SLCO1A2: variants seen among roughly 807,000 people sequenced by gnomAD.
The protein encoded by SLCO1A2 is OATP-1.
A neutral mutation model predicts 69.0 loss-of-function variants in SLCO1A2; 67 were observed. That is an observed-to-expected ratio of 0.97 (90% CI 0.80 to 1.19). The LOEUF is 1.19. SLCO1A2 is among the 50% of genes most tolerant of loss of function. The pLI, the probability that SLCO1A2 is intolerant of heterozygous loss-of-function variation, is 0.00. For synonymous variants in SLCO1A2, 260 were observed against 265.9 expected (o/e 0.98, Z 0.22); for missense variants, 787 against 793.7 (o/e 0.99, Z 0.10).
upstream of SLCO1A2, among the ~76,000 whole-genome samples, chr12:21,338,711 G>A (rs150054832): frequency 2.7e-4 from 41 of 151,666 alleles, no homozygotes; most frequent in Admixed American, 2.1e-3. Flanking sequence ...TTTTATCTGC[G>A]TAGACTAGGT....
chr12:21,305,872 G>T (rs369324599), intron 5 of SLCO1A2, among the ~76,000 whole-genome samples: 1 of 152,176 alleles, frequency 6.6e-6, no homozygotes, highest in African/African-American at 2.4e-5. Context: ...CCACAAACAT[G>T]AATCCAGAAT....
At chr12:21,409,819 T>TA (rs1941879147) in intron 1 of SLCO1A2, among the ~76,000 whole-genome samples, 1 of 152,206 alleles carries the variant, frequency 6.6e-6, no homozygotes, top group Non-Finnish European at 1.5e-5. Flanking sequence ...TATATCACTC[T>TA]AAACATCAAA....
chr12:21,371,493 C>T (rs1939785656), intron 2 of SLCO1A2, among the ~76,000 whole-genome samples: 1 of 152,080 alleles, frequency 6.6e-6, no homozygotes, highest in South Asian at 2.1e-4. Flanking sequence ...AAACAAGTTT[C>T]TTTCCTCCTG....
intron 2 of SLCO1A2, among the ~76,000 whole-genome samples, chr12:21,363,611 G>C (rs910318051): frequency 3.9e-5 from 6 of 152,262 alleles, no homozygotes; most frequent in Admixed American, 2.6e-4. Context: ...GCCAGGAGCT[G>C]GTTTTTGGAA....
chr12:21,283,274 T>C (rs1420807777), intron 12 of SLCO1A2, among the ~76,000 whole-genome samples: 1 of 152,116 alleles, frequency 6.6e-6, no homozygotes, highest in African/African-American at 2.4e-5. Context: ...CATTCATCTA[T>C]GGTGAACTCA....
chr12:21,363,040 C>G (rs550233362), intron 2 of SLCO1A2, among the ~76,000 whole-genome samples: 1 of 152,128 alleles, frequency 6.6e-6, no homozygotes, highest in African/African-American at 2.4e-5. Flanking sequence ...CTGCACCAAG[C>G]GGACCTAATA....
At chr12:21,350,823 A>C (rs1937882567) in intron 2 of SLCO1A2, among the ~76,000 whole-genome samples, 1 of 129,154 alleles carries the variant, frequency 7.7e-6, no homozygotes. Context: ...GTGACAGAGC[A>C]AGACTCTGTC....
chr12:21,309,249 G>A (rs527749415), intron 4 of SLCO1A2, among the ~76,000 whole-genome samples: 1 of 152,252 alleles, frequency 6.6e-6, no homozygotes, highest in East Asian at 1.9e-4. Flanking sequence ...TAGAGATCTA[G>A]AAAGAGAAAA....
At chr12:21,361,667 T>G (rs1297727890) in intron 2 of SLCO1A2, among the ~76,000 whole-genome samples, 2 of 151,960 alleles carry the variant, frequency 1.3e-5, no homozygotes, top group Non-Finnish European at 2.9e-5. Context: ...CGAATGGCAG[T>G]GTAGAGAAAA....
chr12:21,278,285 G>A (rs1453449871), intron 12 of SLCO1A2, among the ~76,000 whole-genome samples: 1 of 152,182 alleles, frequency 6.6e-6, no homozygotes, highest in South Asian at 2.1e-4. Flanking sequence ...CTCCTGGATG[G>A]CATCTCTGGA....
At chr12:21,394,582 A>C (rs1477394534) in intron 1 of SLCO1A2, among the ~76,000 whole-genome samples, 7 of 144,636 alleles carry the variant, frequency 4.8e-5, no homozygotes, top group Non-Finnish European at 9.3e-5. Flanking sequence ...CACACACACA[A>C]CAAAAAACAA....
chr12:21,373,432 G>C (rs1185850731), intron 2 of SLCO1A2: 1 of 1,606,442 alleles, frequency 6.2e-7, no homozygotes, highest in Non-Finnish European at 8.5e-7. Context: ...CCATTGAAAG[G>C]TTGGTAACTT....
intron 4 of SLCO1A2, 130 bp from the exon 5 acceptor site, chr12:21,307,118 C>T (rs1949513304): frequency 1.4e-5 from 8 of 563,134 alleles, no homozygotes; most frequent in Middle Eastern, 4.7e-4. Flanking sequence ...GCTTTTCATC[C>T]TTGGCATCCA....
At position 21,269,217 on chromosome 12, in the gene SLCO1A2, C is replaced by T. The variant is rs1591764387; in HGVS notation, c.*331G>A. The T allele has an allele frequency of 6.0e-6, 1 of 167,550 alleles. No homozygotes were observed. Among genetic ancestry groups the T allele is most frequent in the Non-Finnish European group, 1.3e-5 (1 of 78,916 alleles). The allele number at this position is 167,550 out of a possible 1,614,324, so 10.4% of individuals were successfully genotyped here. ...AGTGGAATTAAATAGGTTTTCATAA[C>T]AGAAAATTTTTAGAAGTATTAGTAG... is the stretch of plus-strand genomic sequence containing the variant. On this transcript the variant is annotated 3_prime_UTR_variant, in exon 15 of 15. Transcript: ENST00000683939.
intron 2 of SLCO1A2, among the ~76,000 whole-genome samples, chr12:21,342,924 C>T (rs1250611868): frequency 1.3e-5 from 2 of 151,968 alleles, no homozygotes; most frequent in Non-Finnish European, 2.9e-5. Flanking sequence ...CAGAGAGCAG[C>T]TCTAGGGGGA....
rs567289007 is a variant in SLCO1A2 at position 21,403,003 on chromosome 12, G to C, written c.-312+14879C>G. 2.5e-4 allele frequency among the ~76,000 whole-genome samples: 38 copies of C among 152,250 alleles called. No individual in the cohort carries two copies. In the South Asian group the frequency reaches 7.7e-3, roughly 31 times the overall value. On this transcript the variant is annotated intron_variant, in intron 1 of 4. Coordinates refer to the SLCO1A2 transcript ENST00000413682. ...ACTAATGTTCTGAGATTTCCAGAGAGAGAGAGACATGTGAAGAACACGGGG... is the reference window on the plus strand; with the variant it reads ...ACTAATGTTCTGAGATTTCCAGAGACAGAGAGACATGTGAAGAACACGGGG...
At chr12:21,340,564 T>C (rs1195861675) in intron 2 of SLCO1A2, among the ~76,000 whole-genome samples, 1 of 152,038 alleles carries the variant, frequency 6.6e-6, no homozygotes, top group Non-Finnish European at 1.5e-5. Flanking sequence ...TTCCTCTCCA[T>C]ACCCCAGTCA....
chr12:21,297,361 G>T lies in SLCO1A2; in HGVS notation c.1075+43C>A, dbSNP rs11568577. 791 of 1,523,202 alleles carry T rather than the reference G, an allele frequency of 5.2e-4. 5 individuals carry two copies. Among genetic ancestry groups the T allele is most frequent in the Middle Eastern group, 3.5e-4 (2 of 5,736 alleles). The allele number at this position is 1,523,202 out of a possible 1,614,324, so 94.4% of individuals were successfully genotyped here. On this transcript the variant is annotated intron_variant, in intron 9 of 14. Coordinates refer to ENST00000683939, the MANE Select transcript of SLCO1A2 (RefSeq NM_001386879.1). Reference sequence around the variant, plus strand: ...CTACACCCGCCATCACACTGTTCGTGGGGGGGAAAGTGTGCTAGTAAGGCA... The same window carrying T: ...CTACACCCGCCATCACACTGTTCGTTGGGGGGAAAGTGTGCTAGTAAGGCA...
At chr12:21,356,734 C>T (rs1591875467) in intron 2 of SLCO1A2, among the ~76,000 whole-genome samples, 1 of 152,002 alleles carries the variant, frequency 6.6e-6, no homozygotes, top group Middle Eastern at 3.2e-3. Flanking sequence ...CAGGCAGAAA[C>T]ATTTAAATAA....
Sources: allele counts gnomAD v4.1 joint callset (sites outside exome capture counted in the v4.1 genomes callset), GRCh38; gene constraint gnomAD v4.1.1; transcripts MANE v1.5; gene names NCBI Gene and HGNC (gene_info 2026-07-23, HGNC 2026-07-21).